The following EHF variants were observed in gnomAD, a reference collection of about 807,000 sequenced individuals.
EHF encodes ESE3 transcription factor.
Under a neutral mutation model 45.1 loss-of-function variants are expected in EHF, and 14 were observed. That is an observed-to-expected ratio of 0.31 (90% CI 0.21 to 0.49). The LOEUF (loss-of-function observed/expected upper bound fraction) is 0.49, where lower values mean the gene tolerates loss of function less well. EHF is among the 20% of genes least tolerant of loss of function. EHF has a pLI of 0.99. For synonymous variants in EHF, 136 were observed against 131.8 expected, an observed-to-expected ratio of 1.03 and a Z score of -0.22; for missense variants, 282 against 371.4, an observed-to-expected ratio of 0.76 and a Z score of 1.98.
At chr11:34,638,065 C>T (rs1853624798) in intron 1 of EHF, among the ~76,000 whole-genome samples, 1 of 152,048 alleles carries the variant, frequency 6.6e-6, no homozygotes, top group African/African-American at 2.4e-5. Context: ...CCACACCCAG[C>T]TAATTTTTGT....
intron 3 of EHF, 111 bp downstream of exon 3, chr11:34,646,795 C>T (rs1296521574): frequency 1.4e-5 from 19 of 1,361,016 alleles, no homozygotes; most frequent in Non-Finnish European, 1.7e-5. Flanking sequence ...GTGGTCTCAC[C>T]TCCAAATTAC....
At chr11:34,632,805 G>A (rs1853023431) in intron 1 of EHF, among the ~76,000 whole-genome samples, 1 of 152,096 alleles carries the variant, frequency 6.6e-6, no homozygotes, top group South Asian at 2.1e-4. Flanking sequence ...GTCCATCAGG[G>A]TAGGGCAGCG....
intron 4 of EHF, among the ~76,000 whole-genome samples, chr11:34,651,341 G>A (rs1489468381): frequency 6.6e-6 from 1 of 152,100 alleles, no homozygotes; most frequent in Non-Finnish European, 1.5e-5. Flanking sequence ...CATGGATGAG[G>A]CCATTTCCCC....
At chr11:34,646,113 G>A (rs898767946) in intron 2 of EHF, among the ~76,000 whole-genome samples, 3 of 150,792 alleles carry the variant, frequency 2.0e-5, no homozygotes, top group African/African-American at 7.3e-5. Context: ...AGAGAGAAGA[G>A]GAAGAGAACG....
chr11:34,632,445 G>A, intron 1 of EHF: 1 of 1,482,770 alleles, frequency 6.7e-7, no homozygotes, highest in Non-Finnish European at 8.9e-7. Context: ...CTCAGAGAGA[G>A]ACATTCAGCC....
intron 1 of EHF, among the ~76,000 whole-genome samples, chr11:34,632,848 CCTA>C (rs1853030310): frequency 6.6e-6 from 1 of 152,034 alleles, no homozygotes; most frequent in Non-Finnish European, 1.5e-5. Flanking sequence ...ATCGCCAGCA[CCTA>C]GCAAAGTGCC....
At chr11:34,647,057 A>C (rs1379633661) in intron 3 of EHF, among the ~76,000 whole-genome samples, 1 of 149,764 alleles carries the variant, frequency 6.7e-6, no homozygotes, top group African/African-American at 2.5e-5. Flanking sequence ...AAAAAAAAAC[A>C]AAAAACAAAA....
At chr11:34,621,427 G>A (rs893456099) in intron 1 of EHF, among the ~76,000 whole-genome samples, 199 bp downstream of exon 1, 2 of 151,258 alleles carry the variant, frequency 1.3e-5, no homozygotes, top group Non-Finnish European at 2.9e-5. Context: ...TGGCTACTTT[G>A]GATATTATCT....
At chr11:34,656,816 T>C in intron 6 of EHF, 92 bp from the exon 7 acceptor site, 8 of 1,415,218 alleles carry the variant, frequency 5.7e-6, no homozygotes, top group Non-Finnish European at 6.8e-6. Context: ...CAGTAGGTGC[T>C]CAGTAAATAT....
chr11:34,654,406 A>G (rs1855483332), intron 6 of EHF, among the ~76,000 whole-genome samples: 1 of 152,244 alleles, frequency 6.6e-6, no homozygotes, highest in African/African-American at 2.4e-5. Context: ...TAAAGATCAA[A>G]AGATATCAGT....
intron 1 of EHF, chr11:34,642,230 A>G (rs978317291): frequency 5.7e-6 from 1 of 174,636 alleles, no homozygotes; most frequent in Non-Finnish European, 1.2e-5. Flanking sequence ...TTGGATTTTC[A>G]TTGTTTGAAA....
intron 2 of EHF, among the ~76,000 whole-genome samples, chr11:34,645,202 C>CG (rs1854394441): frequency 1.3e-5 from 2 of 152,070 alleles, no homozygotes; most frequent in Admixed American, 6.6e-5. Flanking sequence ...CGCAGAACTT[C>CG]GGGCAGACTA....
At position 34,658,747 on chromosome 11, in the gene EHF, C is replaced by G; in HGVS notation, c.803+19C>G. On this transcript the variant is annotated intron_variant, in intron 8 of 8. Coordinates refer to ENST00000257831, the MANE Select transcript of EHF (RefSeq NM_012153.6). Reference sequence around the variant, plus strand: ...CTATGAGGTGAGGAGTTTCATGTCTCTGAAAACAAAAAGGCTGTACGACCC... The same window carrying G: ...CTATGAGGTGAGGAGTTTCATGTCTGTGAAAACAAAAAGGCTGTACGACCC... 6.2e-7 allele frequency: 1 copy of G among 1,608,312 alleles called. No individual in the cohort carries two copies. The highest frequency in any genetic ancestry group is 1.3e-5 in the African/African-American group (1 of 74,470).
rs948474647 is a variant in EHF at position 34,660,121 on chromosome 11, G to A, written c.*1190G>A. The A allele has an allele frequency of 5.3e-5, 8 of 152,134 alleles. No individual in the cohort carries two copies. Among genetic ancestry groups the A allele is most frequent in the African/African-American group, 1.9e-4 (8 of 41,442 alleles). The allele number at this position is 152,134 out of a possible 1,614,324, so 9.4% of individuals were successfully genotyped here. On this transcript the variant is annotated 3_prime_UTR_variant, in exon 9 of 9. Transcript: ENST00000257831. ...GACTTCAACCTCAACCTATCTTTAT[G>A]TTTTAAATGTTAGGGACAATAAGTT...
intron 1 of EHF, among the ~76,000 whole-genome samples, chr11:34,641,454 G>A (rs1853987308): frequency 6.6e-6 from 1 of 152,166 alleles, no homozygotes; most frequent in South Asian, 2.1e-4. Flanking sequence ...AGCTAAATTA[G>A]GGGAAGGAAT....
intron 3 of EHF, among the ~76,000 whole-genome samples, chr11:34,647,907 G>C (rs1854737077): frequency 6.6e-6 from 1 of 152,116 alleles, no homozygotes; most frequent in Non-Finnish European, 1.5e-5. Context: ...ACTTACACTT[G>C]AAGAATTAAA....
intron 6 of EHF, among the ~76,000 whole-genome samples, chr11:34,654,269 C>G (rs2134205890): frequency 6.6e-6 from 1 of 152,320 alleles, no homozygotes; most frequent in East Asian, 1.9e-4. Context: ...CAAGAGAAAG[C>G]CAGGCTGGAC....
rs756480844 is a variant in EHF, at chr11:34,651,760, T to C, written c.499T>C (p.Cys167Arg). ...TVDLLDSKTF[C>R]RAQISMTTTS... ...AGATTTGTTGGACAGCAAAACTTTC[T>C]GCCGGGCTCAGATCTCCATGACAAC... The change falls in exon 6 of 9, where the codon TGC becomes CGC. Residue 167 changes from cysteine to arginine, a missense_variant. Physicochemically the swap from Cys to Arg is radical, Grantham distance 180. Around this residue, in one of 3 missense-constraint regions of EHF, gnomAD observed 213 missense variants for 247.3 expected, o/e 0.86. Transcript: ENST00000257831. 3 of 1,613,988 alleles carry C rather than the reference T, an allele frequency of 1.9e-6. No individual in the cohort carries two copies. In the South Asian group the frequency reaches 3.3e-5, roughly 18 times the overall value.
At chr11:34,633,886 T>C (rs1344058481) in intron 1 of EHF, among the ~76,000 whole-genome samples, 1 of 152,148 alleles carries the variant, frequency 6.6e-6, no homozygotes, top group African/African-American at 2.4e-5. Flanking sequence ...ATCAGCATAC[T>C]ATGTATATTT....
Sources: allele counts gnomAD v4.1 joint callset (sites outside exome capture counted in the v4.1 genomes callset), GRCh38; gene constraint gnomAD v4.1.1; regional missense constraint gnomAD v4.1.1; transcripts MANE v1.5; gene names NCBI Gene and HGNC (gene_info 2026-07-23, HGNC 2026-07-21).